The following GLIS1 variants were observed in gnomAD, a reference collection of about 807,000 sequenced individuals.
The protein encoded by GLIS1 is zinc finger protein GLIS1.
A neutral mutation model predicts 63.8 loss-of-function variants in GLIS1; 24 were observed. That is an observed-to-expected ratio of 0.38 (90% CI 0.27 to 0.53). GLIS1 has a LOEUF of 0.53. Ranked by LOEUF, GLIS1 falls within the 20% of genes least tolerant of loss-of-function variation. The probability of loss-of-function intolerance (pLI) is 0.85; values close to 1 mark genes in which losing one functional copy is unlikely to be tolerated. For synonymous variants in GLIS1, 450 were observed against 482.5 expected, an observed-to-expected ratio of 0.93 and a Z score of 0.88; for missense variants, 1,036 against 1,074.1, an observed-to-expected ratio of 0.96 and a Z score of 0.50.
intron 2 of GLIS1, among the ~76,000 whole-genome samples, chr1:53,604,932 G>GTGTA (rs1301665234): frequency 0.024 from 887 of 36,266 alleles, 11 homozygotes; most frequent in African/African-American, 0.031. Context: ...GTGTGTGTGT[G>GTGTA]TATATATATA....
intron 2 of GLIS1, among the ~76,000 whole-genome samples, chr1:53,698,905 C>T (rs1646494776): frequency 6.6e-6 from 1 of 152,192 alleles, no homozygotes; most frequent in Non-Finnish European, 1.5e-5. Flanking sequence ...GGATTGGAGA[C>T]TGAAGTGACT....
At chr1:53,623,358 T>G (rs571893767) in intron 2 of GLIS1, among the ~76,000 whole-genome samples, 1 of 152,266 alleles carries the variant, frequency 6.6e-6, no homozygotes, top group East Asian at 1.9e-4. Flanking sequence ...ATGATTAAAA[T>G]TCTCAGCATA....
chr1:53,631,978 TGTGTGAATGAGTGTGACTAAGGGGC>T lies in GLIS1; in HGVS notation c.260-31725_260-31701del, dbSNP rs565441585. 1.4e-3 allele frequency among the ~76,000 whole-genome samples: 218 copies of T among 150,738 alleles called. 1 individual carries two copies. The highest frequency in any genetic ancestry group is 3.2e-3 in the Admixed American group (49 of 15,158). ...GAGGTGTGTGAATGAGTGTGAGGGA[TGTGTGAATGAGTGTGACTAAGGGGC>T]GTGTGAATGAGTGTGACTGAGACCG... On this transcript the variant is annotated intron_variant, in intron 2 of 10. Transcript: ENST00000628545.
At chr1:53,529,258 C>A (rs1448578950) in intron 5 of GLIS1, among the ~76,000 whole-genome samples, 1 of 152,198 alleles carries the variant, frequency 6.6e-6, no homozygotes, top group Non-Finnish European at 1.5e-5. Context: ...CCTGCAGGAG[C>A]CTGGAGTCTT....
intron 2 of GLIS1, among the ~76,000 whole-genome samples, chr1:53,700,877 C>T (rs955238413): frequency 1.1e-4 from 17 of 152,226 alleles, no homozygotes; most frequent in Non-Finnish European, 2.4e-4. Context: ...ACATAACATA[C>T]GACCTTTGTG....
At chr1:53,703,562 C>A (rs1018833154) in intron 2 of GLIS1, among the ~76,000 whole-genome samples, 1 of 151,124 alleles carries the variant, frequency 6.6e-6, no homozygotes, top group African/African-American at 2.4e-5. Flanking sequence ...TTGTTTGAAC[C>A]CAGGATTTCA....
At chr1:53,727,951 T>C (rs965045568) in intron 2 of GLIS1, among the ~76,000 whole-genome samples, 10 of 152,172 alleles carry the variant, frequency 6.6e-5, no homozygotes, top group Non-Finnish European at 1.3e-4. Context: ...TTACCATATG[T>C]TCAACCTTGC....
At chr1:53,737,446 A>C (rs915217821) in intron 2 of GLIS1, among the ~76,000 whole-genome samples, 2 of 152,240 alleles carry the variant, frequency 1.3e-5, no homozygotes, top group Non-Finnish European at 2.9e-5. Context: ...GAAATACTTC[A>C]AACTATGCCT....
chr1:53,647,967 T>C (rs1313735306), intron 2 of GLIS1, among the ~76,000 whole-genome samples: 1 of 151,210 alleles, frequency 6.6e-6, no homozygotes, highest in Non-Finnish European at 1.5e-5. Flanking sequence ...AGCCCAGGAG[T>C]TCAAGACCAA....
chr1:53,665,001 G>A (rs1013892849), intron 2 of GLIS1, among the ~76,000 whole-genome samples: 2 of 152,108 alleles, frequency 1.3e-5, no homozygotes, highest in African/African-American at 4.8e-5. Flanking sequence ...GGGGCGAGGG[G>A]GGCACTGCTG....
At chr1:53,694,603 C>T (rs1294284513) in intron 2 of GLIS1, among the ~76,000 whole-genome samples, 1 of 152,206 alleles carries the variant, frequency 6.6e-6, no homozygotes, top group Non-Finnish European at 1.5e-5. Context: ...TGGGCAGACA[C>T]CGCTGGGGTC....
intron 2 of GLIS1, among the ~76,000 whole-genome samples, chr1:53,658,489 C>T (rs1308115271): frequency 6.6e-6 from 1 of 152,208 alleles, no homozygotes; most frequent in African/African-American, 2.4e-5. Context: ...ACATGAAAAG[C>T]TGAATTCCAA....
rs1557534202 is a variant in GLIS1 at position 53,709,359 on chromosome 1, CATAT to C, written c.259+28443_259+28446del. ...ATATATACATATATACATATATATA[CATAT>C]ACATATATATATACATATATACATA... On this transcript the variant is annotated intron_variant, in intron 2 of 10. Coordinates refer to ENST00000628545, the MANE Select transcript of GLIS1 (RefSeq NM_001367484.1). 5.2e-3 allele frequency among the ~76,000 whole-genome samples: 640 copies of C among 121,932 alleles called. 11 individuals are homozygous for C. Among genetic ancestry groups the C allele is most frequent in the African/African-American group, 0.013 (356 of 26,658 alleles). 80.0% of individuals were successfully genotyped at this position (121,932 alleles called of 152,430 possible).
At chr1:53,512,638 A>T (rs1489768858) in intron 8 of GLIS1, among the ~76,000 whole-genome samples, 1 of 152,078 alleles carries the variant, frequency 6.6e-6, no homozygotes, top group Non-Finnish European at 1.5e-5. Flanking sequence ...AGGCACGAGG[A>T]CGCTTCTCTC....
At chr1:53,604,096 A>T (rs1264140844) in intron 2 of GLIS1, among the ~76,000 whole-genome samples, 2 of 152,270 alleles carry the variant, frequency 1.3e-5, no homozygotes, top group Non-Finnish European at 2.9e-5. Context: ...ATATGAACAC[A>T]ATGCATTTGG....
chr1:53,673,303 G>A (rs1646175005), intron 2 of GLIS1, among the ~76,000 whole-genome samples: 1 of 152,190 alleles, frequency 6.6e-6, no homozygotes, highest in Non-Finnish European at 1.5e-5. Context: ...ATTACCACTG[G>A]GGCGACTTGG....
In GLIS1 at chr1:53,520,651, C is replaced by T. The variant is rs1644398418; in HGVS notation, c.1709G>A (p.Gly570Asp). The T allele has an allele frequency of 1.2e-6, 2 of 1,610,014 alleles. No homozygotes were observed. The highest frequency in any genetic ancestry group is 1.7e-6 in the Non-Finnish European group (2 of 1,178,608). Reference protein sequence around the residue: ...ASDGKGGCGLGQELLPGVYPG... With the variant: ...ASDGKGGCGLDQELLPGVYPG... The stretch of plus-strand genomic sequence containing the variant: ...ACACGTACCTGGGAGCAGCTCCTGG[C>T]CCAGGCCACAGCCACCCTTGCCGTC... Residue 570 changes from glycine (G) to aspartate (D), a missense_variant, in exon 7 of 11, where the codon GGC becomes GAC. Transcript: ENST00000628545.
At chr1:53,689,085 T>C (rs1258491514) in intron 2 of GLIS1, among the ~76,000 whole-genome samples, 1 of 152,236 alleles carries the variant, frequency 6.6e-6, no homozygotes, top group Non-Finnish European at 1.5e-5. Context: ...GGTCGTTTGA[T>C]GGTCTCCTTA....
intron 7 of GLIS1, among the ~76,000 whole-genome samples, chr1:53,517,417 C>G (rs898145012): frequency 2.6e-5 from 4 of 152,170 alleles, no homozygotes; most frequent in African/African-American, 9.7e-5. Flanking sequence ...GGGAGCCTGG[C>G]GAGGAGCTGC....
Sources: gnomAD v4.1 joint callset for allele counts (sites outside exome capture counted in the v4.1 genomes callset) on GRCh38, gnomAD v4.1.1 for gene constraint, MANE v1.5 for transcripts, NCBI Gene and HGNC (gene_info 2026-07-23, HGNC 2026-07-21) for gene names.